The following ELMO1 variants were observed in gnomAD, a reference collection of about 807,000 sequenced individuals.
ELMO1 encodes the protein engulfment and cell motility 1.
A neutral mutation model predicts 98.9 loss-of-function variants in ELMO1; 26 were observed. That is an observed-to-expected ratio of 0.26 (90% CI 0.19 to 0.36). The LOEUF (loss-of-function observed/expected upper bound fraction) is 0.36, where lower values mean the gene tolerates loss of function less well. ELMO1 is among the 10% of genes least tolerant of loss of function. The pLI is 1.00. For missense variants in ELMO1, 627 were observed against 935.2 expected (o/e 0.67, Z 4.30); for synonymous variants, 346 against 346.0 (o/e 1.00, Z 0.00).
In ELMO1 at chr7:36,984,795, TA is replaced by T. The variant is rs148746541; in HGVS notation, c.1437+28503del. The T allele has an allele frequency of 5.1e-3, 3,488 of 677,754 alleles. 117 individuals carry two copies. In the African/African-American group the frequency reaches 0.064, roughly 12 times the overall value. The allele number at this position is 677,754 out of a possible 1,614,324, so 42.0% of individuals were successfully genotyped here. A position where few individuals can be genotyped will look rare whatever the true frequency, so the allele number is the denominator to read the frequency against. ...GCACATAAGACAGGAAATCACATTT[TA>T]AAAAAAGTAACATGATGAATCCTCA... On this transcript the variant is annotated intron_variant, in intron 16 of 21. Coordinates refer to ENST00000310758, the MANE Select transcript of ELMO1 (RefSeq NM_014800.11).
At chr7:37,383,809 T>TTTGTTG (rs137868643) in intron 1 of ELMO1, among the ~76,000 whole-genome samples, 6 of 151,802 alleles carry the variant, frequency 4.0e-5, no homozygotes, top group Non-Finnish European at 5.9e-5. Context: ...TACAGGGCTT[T>TTTGTTG]TTGTTGTTGT....
chr7:37,142,256 A>G (rs1787690614), intron 13 of ELMO1, among the ~76,000 whole-genome samples: 1 of 152,262 alleles, frequency 6.6e-6, no homozygotes, highest in Non-Finnish European at 1.5e-5. Flanking sequence ...TATTTAGTAA[A>G]GAATAGTAAA....
intron 15 of ELMO1, among the ~76,000 whole-genome samples, chr7:37,050,636 AC>A (rs1796051560): frequency 1.3e-5 from 2 of 151,160 alleles, no homozygotes; most frequent in African/African-American, 4.9e-5. Flanking sequence ...ACACACACAC[AC>A]ACACACACAC....
At chr7:37,135,989 AT>A (rs967922491) in intron 13 of ELMO1, among the ~76,000 whole-genome samples, 1 of 152,200 alleles carries the variant, frequency 6.6e-6, no homozygotes, top group Non-Finnish European at 1.5e-5. Flanking sequence ...GATACAGTAT[AT>A]GAAAGAAAAA....
intron 17 of ELMO1, among the ~76,000 whole-genome samples, chr7:36,889,813 C>T (rs1805394906): frequency 6.6e-6 from 1 of 152,124 alleles, no homozygotes; most frequent in African/African-American, 2.4e-5. Flanking sequence ...GAGTTACTCC[C>T]CGCTTTTTTT....
At chr7:37,380,697 A>T (rs1802545822) in intron 1 of ELMO1, among the ~76,000 whole-genome samples, 1 of 152,252 alleles carries the variant, frequency 6.6e-6, no homozygotes, top group Non-Finnish European at 1.5e-5. Flanking sequence ...CTCTGAGAGT[A>T]ATGTCACAAC....
At chr7:36,887,847 A>T (rs112865018) in intron 17 of ELMO1, among the ~76,000 whole-genome samples, 175 bp from the exon 18 acceptor site, 1 of 152,348 alleles carries the variant, frequency 6.6e-6, no homozygotes, top group Non-Finnish European at 1.5e-5. Flanking sequence ...CAGGGGCATA[A>T]GTACAACACC....
intron 14 of ELMO1, among the ~76,000 whole-genome samples, chr7:37,114,839 G>T (rs565041035): frequency 1.4e-4 from 22 of 151,976 alleles, no homozygotes; most frequent in African/African-American, 5.1e-4. Context: ...TTTTTGAAAA[G>T]ATCAATAAAA....
chr7:37,374,418 T>C (rs1352714189), intron 1 of ELMO1, among the ~76,000 whole-genome samples: 3 of 152,260 alleles, frequency 2.0e-5, no homozygotes, highest in African/African-American at 4.8e-5. Flanking sequence ...GCATCATTAC[T>C]GGTTGCCAGA....
intron 15 of ELMO1, among the ~76,000 whole-genome samples, chr7:37,080,825 T>G (rs1028197408): frequency 6.6e-6 from 1 of 151,980 alleles, no homozygotes; most frequent in South Asian, 2.1e-4. Flanking sequence ...GTGTTCTTAC[T>G]TTCTCATGGC....
At chr7:36,950,968 A>G (rs564754258) in intron 16 of ELMO1, among the ~76,000 whole-genome samples, 66 of 152,298 alleles carry the variant, frequency 4.3e-4, no homozygotes, top group African/African-American at 1.6e-3. Flanking sequence ...AGACACCAGG[A>G]AGTCAATCAT....
chr7:37,102,433 T>G (rs1784693500), intron 14 of ELMO1, among the ~76,000 whole-genome samples: 1 of 152,172 alleles, frequency 6.6e-6, no homozygotes, highest in East Asian at 1.9e-4. Context: ...TTATAGAAAG[T>G]GTGCCAAGCA....
chr7:37,034,038 C>T (rs533675767), intron 15 of ELMO1, among the ~76,000 whole-genome samples: 1 of 152,288 alleles, frequency 6.6e-6, no homozygotes, highest in African/African-American at 2.4e-5. Flanking sequence ...AGATGAATTA[C>T]TTCTAATTCC....
intron 5 of ELMO1, among the ~76,000 whole-genome samples, chr7:37,263,908 A>G (rs1796110806): frequency 1.3e-5 from 2 of 152,200 alleles, no homozygotes; most frequent in Non-Finnish European, 1.5e-5. Flanking sequence ...ATGCATGTAA[A>G]TATCGGAGAT....
chr7:37,221,230 C>A (rs1036682958), intron 10 of ELMO1, among the ~76,000 whole-genome samples: 16 of 152,130 alleles, frequency 1.1e-4, no homozygotes, highest in African/African-American at 3.1e-4. Context: ...ACACAGCCCC[C>A]CAGGGATGAA....
intron 15 of ELMO1, among the ~76,000 whole-genome samples, chr7:37,067,762 T>C (rs1384108280): frequency 6.6e-6 from 1 of 152,128 alleles, no homozygotes; most frequent in South Asian, 2.1e-4. Flanking sequence ...GACAGAATTT[T>C]CCTGTTATTA....
chr7:36,951,225 C>T (rs910892078), intron 16 of ELMO1, among the ~76,000 whole-genome samples: 4 of 152,164 alleles, frequency 2.6e-5, no homozygotes, highest in African/African-American at 9.7e-5. Flanking sequence ...AAAAGGGAGT[C>T]CAGATCAGTG....
chr7:37,134,114 A>G (rs922633381), intron 13 of ELMO1, among the ~76,000 whole-genome samples: 3 of 152,228 alleles, frequency 2.0e-5, no homozygotes, highest in Non-Finnish European at 4.4e-5. Context: ...AAGACAAAGA[A>G]TAACAGATGG....
intron 1 of ELMO1, among the ~76,000 whole-genome samples, chr7:37,403,448 G>A (rs551498818): frequency 6.6e-6 from 1 of 152,166 alleles, no homozygotes; most frequent in African/African-American, 2.4e-5. Context: ...CGGTAGGGGG[G>A]TGCATAGGTG....
Sources: gnomAD v4.1 joint callset for allele counts (sites outside exome capture counted in the v4.1 genomes callset) on GRCh38, gnomAD v4.1.1 for gene constraint, MANE v1.5 for transcripts, NCBI Gene and HGNC (gene_info 2026-07-23, HGNC 2026-07-21) for gene names.